The following LRRC20 variants were observed in gnomAD, a reference collection of about 807,000 sequenced individuals.
LRRC20 encodes leucine-rich repeat-containing protein 20.
Under a neutral mutation model 14.4 loss-of-function variants are expected in LRRC20, and 11 were observed. The observed-to-expected ratio is 0.77, with a 90% CI of 0.48 to 1.27. The LOEUF is 1.27. Among genes scored for constraint, LRRC20 ranks in the 50% most tolerant of loss-of-function variants. The probability of loss-of-function intolerance (pLI) is 0.00; values close to 1 mark genes in which losing one functional copy is unlikely to be tolerated. For missense variants in LRRC20, 219 were observed against 251.2 expected (o/e 0.87, Z 0.87); for synonymous variants, 121 against 107.3 (o/e 1.13, Z -0.79).
intron 3 of LRRC20, among the ~76,000 whole-genome samples, chr10:70,337,656 GC>G (rs1301248260): frequency 1.3e-5 from 2 of 152,128 alleles, no homozygotes; most frequent in African/African-American, 4.8e-5. Context: ...CAAAGCTCTT[GC>G]ATCCATACCC....
intron 3 of LRRC20, among the ~76,000 whole-genome samples, chr10:70,334,235 G>A (rs527613748): frequency 3.8e-4 from 57 of 151,886 alleles, no homozygotes; most frequent in Middle Eastern, 3.4e-3. Context: ...CCCATTGACC[G>A]CACAAAGCTT....
intron 4 of LRRC20, among the ~76,000 whole-genome samples, chr10:70,322,356 G>A (rs1393830895): frequency 3.9e-5 from 6 of 152,222 alleles, no homozygotes; most frequent in African/African-American, 9.6e-5. Context: ...GCAGAAGGAA[G>A]TGGAGGCATC....
At position 70,378,773 on chromosome 10, in the gene LRRC20, C is replaced by CA. The variant is rs58126984; in HGVS notation, c.-63-2178dup. Among the ~76,000 whole-genome samples, 422 of 67,398 alleles carry CA rather than the reference C, an allele frequency of 6.3e-3. 3 individuals carry two copies. The highest frequency in any genetic ancestry group is 0.017 in the Middle Eastern group (2 of 120). The allele number at this position is 67,398 out of a possible 152,430, so 44.2% of individuals were successfully genotyped here. ...GGCAACAAAGAGTGAACCTCGCGCT[C>CA]AAAAAAAAAAAAAAAAAAAAAAATT... On this transcript the variant is annotated intron_variant, in intron 1 of 4. Transcript: ENST00000446961.
intron 4 of LRRC20, among the ~76,000 whole-genome samples, chr10:70,308,869 G>A (rs1183312412): frequency 1.3e-5 from 2 of 152,172 alleles, no homozygotes; most frequent in Non-Finnish European, 2.9e-5. Context: ...GCTCATGTGG[G>A]TACAAATGTC....
intron 2 of LRRC20, among the ~76,000 whole-genome samples, chr10:70,344,965 A>G (rs1372972680): frequency 6.6e-6 from 1 of 152,226 alleles, no homozygotes; most frequent in Non-Finnish European, 1.5e-5. Context: ...AAAGAAATTA[A>G]TTTATATATT....
At chr10:70,341,233 C>T (rs75400393) in intron 2 of LRRC20, among the ~76,000 whole-genome samples, 2,929 of 152,326 alleles carry the variant, frequency 0.019, 107 homozygotes, top group African/African-American at 0.06. Flanking sequence ...GGCACTTCCT[C>T]AAATGGTTAA....
rs1841104409 is a variant in LRRC20 at position 70,299,882 on chromosome 10, C to T, written c.*1472G>A. 6.6e-6 allele frequency: 1 copy of T among 152,260 alleles called. No individual in the cohort carries two copies. Among genetic ancestry groups the T allele is most frequent in the Admixed American group, 6.5e-5 (1 of 15,282 alleles). 9.4% of individuals were successfully genotyped at this position (152,260 alleles called of 1,614,324 possible). A position where few individuals can be genotyped will look rare whatever the true frequency, so the allele number is the denominator to read the frequency against. ...CAGTGATGGCCCAACAATGGCCCGA[C>T]CTATCAGTTCCTTCCCAAGAGACAA... On this transcript the variant is annotated 3_prime_UTR_variant, in exon 5 of 5. Coordinates refer to ENST00000446961, the MANE Select transcript of LRRC20 (RefSeq NM_001278212.2).
chr10:70,366,069 CA>C (rs67374739), intron 2 of LRRC20, among the ~76,000 whole-genome samples: 72,778 of 128,498 alleles, frequency 0.57, 20,078 homozygotes, highest in African/African-American at 0.71. Context: ...GACTCCAGCT[CA>C]AAAAAAAAAA....
intron 2 of LRRC20, among the ~76,000 whole-genome samples, chr10:70,356,250 G>A (rs1218428963): frequency 1.3e-5 from 2 of 152,184 alleles, no homozygotes; most frequent in African/African-American, 2.4e-5. Context: ...GGTGGCTCAC[G>A]CCCGTAACCC....
Position 70,324,072 on chromosome 10 carries a change from G to A in LRRC20, c.233-42C>T, listed in dbSNP as rs922979320. The stretch of plus-strand genomic sequence containing the variant: ...AGGAGAGAGAACAGGATGAGGAGGG[G>A]GCCACCCCGAGACCACAGTGACTGC... On this transcript the variant is annotated intron_variant, in intron 3 of 4. Coordinates refer to ENST00000446961, the MANE Select transcript of LRRC20 (RefSeq NM_001278212.2). The A allele has an allele frequency of 3.8e-6, 6 of 1,597,568 alleles. No homozygotes were observed. In the African/African-American group the frequency reaches 5.4e-5, roughly 14 times the overall value.
rs1286493939 is a variant in LRRC20, at chr10:70,380,968, CA to C, written c.-64+1580del. Among the ~76,000 whole-genome samples the C allele has an allele frequency of 1.1e-4, 16 of 152,262 alleles. No individual in the cohort carries two copies. In the East Asian group the frequency reaches 1.3e-3, roughly 13 times the overall value. ...ACATGGCATGGCCAGGGGGAAGGGA[CA>C]GGGGTGAGCAGCAGGTGCACAAAGA... On this transcript the variant is annotated intron_variant, in intron 1 of 4. Transcript: ENST00000446961.
Position 70,301,300 on chromosome 10 carries a change from G to T in LRRC20, c.*54C>A. 6.4e-7 allele frequency: 1 copy of T among 1,560,718 alleles called. No homozygotes were observed. The highest frequency in any genetic ancestry group is 8.7e-7 in the Non-Finnish European group (1 of 1,153,640). On this transcript the variant is annotated 3_prime_UTR_variant, in exon 5 of 5. Coordinates refer to ENST00000446961, the MANE Select transcript of LRRC20 (RefSeq NM_001278212.2). ...CTCCCATGGGCCTCCCTCCCTTCCA[G>T]GGTTCCAGGCCTGTGGCCTCTGCCC... is the stretch of plus-strand genomic sequence containing the variant.
chr10:70,301,254 C>A lies in LRRC20; in HGVS notation c.*100G>T. The A allele has an allele frequency of 6.8e-7, 1 of 1,471,770 alleles. No individual in the cohort carries two copies. Among genetic ancestry groups the A allele is most frequent in the Non-Finnish European group, 9.0e-7 (1 of 1,114,788 alleles). 91.2% of individuals were successfully genotyped at this position (1,471,770 alleles called of 1,614,324 possible). On this transcript the variant is annotated 3_prime_UTR_variant, in exon 5 of 5. Transcript: ENST00000446961. ...CACCACGTGCTGCTCGGCCCACCCG[C>A]CCCCAGCCCCCAGGCTTGGCCTCCC...
intron 3 of LRRC20, among the ~76,000 whole-genome samples, chr10:70,336,258 G>A (rs1307626314): frequency 6.6e-6 from 1 of 152,178 alleles, no homozygotes; most frequent in African/African-American, 2.4e-5. Context: ...GCTGGATTGA[G>A]TTGACGGGCA....
intron 3 of LRRC20, among the ~76,000 whole-genome samples, chr10:70,335,511 C>T (rs1267814414): frequency 6.6e-6 from 1 of 152,254 alleles, no homozygotes; most frequent in African/African-American, 2.4e-5. Context: ...TGAGGGAACT[C>T]ATCGCTTTGG....
Position 70,301,392 on chromosome 10 carries a change from G to T in LRRC20, c.517C>A (p.Leu173Ile), listed in dbSNP as rs190233259. 4.3e-6 allele frequency: 7 copies of T among 1,613,936 alleles called. No individual in the cohort carries two copies. In the Admixed American group the frequency reaches 1.2e-4, roughly 27 times the overall value. ...IAPPLIKFDMLMSPEGARAPL... is the reference protein window; with the variant it reads ...IAPPLIKFDMIMSPEGARAPL... ...GCTCTTGCGCCTTCCGGAGACATGA[G>T]CATGTCAAACTTGATGAGCGGCGGG... Residue 173 changes from leucine to isoleucine, a missense_variant, in exon 5 of 5, where the codon CTC becomes ATC. Physicochemically the swap from Leu to Ile is conservative, Grantham distance 5. Coordinates refer to ENST00000446961, the MANE Select transcript of LRRC20 (RefSeq NM_001278212.2).
At position 70,300,781 on chromosome 10, in the gene LRRC20, C is replaced by T; in HGVS notation, c.*573G>A. The T allele has an allele frequency of 1.0e-6, 1 of 985,708 alleles. No homozygotes were observed. The allele number at this position is 985,708 out of a possible 1,614,324, so 61.1% of individuals were successfully genotyped here. The stretch of plus-strand genomic sequence containing the variant: ...TATTCCCACCACAGCTCTCCCAGGA[C>T]TCCTAGTTCAGGTTCCCACCAGTCC... On this transcript the variant is annotated 3_prime_UTR_variant, in exon 5 of 5. Transcript: ENST00000446961.
chr10:70,322,932 T>A (rs1842147286), intron 4 of LRRC20, among the ~76,000 whole-genome samples: 1 of 150,742 alleles, frequency 6.6e-6, no homozygotes, highest in Non-Finnish European at 1.5e-5. Context: ...CCATTCCCCA[T>A]CAGATGGGCC....
intron 1 of LRRC20, among the ~76,000 whole-genome samples, chr10:70,378,288 G>C (rs1031286259): frequency 1.4e-4 from 22 of 152,216 alleles, no homozygotes; most frequent in African/African-American, 5.3e-4. Flanking sequence ...TCCTTCCTCT[G>C]AGTTTCAGTA....
Sources: allele counts gnomAD v4.1 joint callset (sites outside exome capture counted in the v4.1 genomes callset), GRCh38; gene constraint gnomAD v4.1.1; transcripts MANE v1.5; gene names NCBI Gene and HGNC (gene_info 2026-07-23, HGNC 2026-07-21).